STT3A: variants seen among roughly 807,000 people sequenced by gnomAD.
STT3A encodes dolichyl-diphosphooligosaccharide--protein glycosyltransferase subunit STT3A.
In STT3A, 34 loss-of-function variants were observed where a neutral mutation model predicts 89.2. The observed-to-expected ratio is 0.38, with a 90% confidence interval of 0.29 to 0.51. The LOEUF (loss-of-function observed/expected upper bound fraction) is 0.51. STT3A is among the 20% of genes least tolerant of loss of function. The pLI is 0.89. For synonymous variants in STT3A, 282 were observed against 310.3 expected (o/e 0.91, Z 0.96); for missense variants, 555 against 889.5 (o/e 0.62, Z 4.78).
intron 15 of STT3A, among the ~76,000 whole-genome samples, chr11:125,617,533 A>G (rs1940212511): frequency 6.6e-6 from 1 of 152,248 alleles, no homozygotes; most frequent in South Asian, 2.1e-4. Flanking sequence ...TGAAACATGT[A>G]GCAACTGATT....
rs552819791 is a variant in STT3A, at chr11:125,595,849, A to C, written c.-35-32A>C. 220 of 1,009,240 alleles carry C rather than the reference A, an allele frequency of 2.2e-4. 1 individual carries two copies. The African/African-American group carries it at 2.7e-3, about 12-fold the overall frequency. The allele number at this position is 1,009,240 out of a possible 1,614,324, so 62.5% of individuals were successfully genotyped here. A position where few individuals can be genotyped will look rare whatever the true frequency, so the allele number is the denominator to read the frequency against. On this transcript the variant is annotated intron_variant, in intron 1 of 17. Coordinates refer to ENST00000392708, the MANE Select transcript of STT3A (RefSeq NM_152713.5). ...AAAATTAAGTAAATTGAAGGTGTTC[A>C]ATATCTTGTGGTCTTGACTTTTTCA...
chr11:125,610,237 A>AT (rs1048156036), intron 10 of STT3A, among the ~76,000 whole-genome samples: 27 of 151,130 alleles, frequency 1.8e-4, no homozygotes, highest in South Asian at 6.3e-4. Flanking sequence ...TAATTTTTGT[A>AT]TTTTTTTTGT....
At chr11:125,603,061 G>C in intron 5 of STT3A, 113 bp downstream of exon 5, 1 of 1,350,888 alleles carries the variant, frequency 7.4e-7, no homozygotes, top group South Asian at 1.4e-5. Flanking sequence ...AGAAGGTGAA[G>C]ACAGCTTTTA....
At chr11:125,600,706 G>A (rs965965825) in intron 3 of STT3A, among the ~76,000 whole-genome samples, 1 of 151,928 alleles carries the variant, frequency 6.6e-6, no homozygotes, top group Admixed American at 6.6e-5. Context: ...ACATATTTTG[G>A]GCCTAAAGAA....
At chr11:125,611,069 A>G (rs1940000318) in intron 10 of STT3A, 3 of 156,178 alleles carry the variant, frequency 1.9e-5, no homozygotes, top group Admixed American at 1.9e-4. Flanking sequence ...TTATAGAAAT[A>G]CTTAAAATGT....
chr11:125,613,122 T>A lies in STT3A; in HGVS notation c.1499T>A (p.Ile500Asn), dbSNP rs752636287. 2 of 1,614,038 alleles carry A rather than the reference T, an allele frequency of 1.2e-6. No individual in the cohort carries two copies. Among genetic ancestry groups the A allele is most frequent in the Admixed American group, 1.7e-5 (1 of 60,010 alleles). The change falls in exon 13 of 18, where the codon ATC (isoleucine) becomes AAC (asparagine). Residue 500 changes from isoleucine (I) to asparagine (N), a missense_variant. Around this residue, in one of 5 missense-constraint regions of STT3A, gnomAD observed 273 missense variants for 449.8 expected, o/e 0.61. Coordinates refer to ENST00000392708, the MANE Select transcript of STT3A (RefSeq NM_152713.5). The surrounding 1 kb of genome is among the most constrained non-coding windows in gnomAD (Gnocchi z 4.2). Reference sequence around the variant, plus strand: ...GCCCGTGGTGGGGATGGCAGTAGGATCATATTTGATGACTTCCGAGAAGCA... The same window carrying A: ...GCCCGTGGTGGGGATGGCAGTAGGAACATATTTGATGACTTCCGAGAAGCA... ...LSARGGDGSR[I>N]IFDDFREAYY...
rs1228105251 is a variant in STT3A at position 125,618,400 on chromosome 11, G to A, written c.1802G>A (p.Arg601Gln). 1.2e-6 allele frequency: 2 copies of A among 1,611,946 alleles called. No individual in the cohort carries two copies. The highest frequency in any genetic ancestry group is 1.7e-6 in the Non-Finnish European group (2 of 1,179,364). The change falls in exon 16 of 18, where the codon CGG becomes CAG. Residue 601 changes from arginine (R) to glutamine (Q), a missense_variant. Coordinates refer to ENST00000392708, the MANE Select transcript of STT3A (RefSeq NM_152713.5). ...ATCAACAAGTTTCTTTGGATGGTCC[G>A]GATTGGAGGGAGCACAGATACAGGC... The part of the protein sequence containing the change: ...DDINKFLWMV[R>Q]IGGSTDTGKH...
chr11:125,620,807 A>G lies in STT3A; in HGVS notation c.2115A>G (p.Thr705=). Residue 705 remains threonine, a synonymous_variant, in exon 18 of 18, where the codon ACA becomes ACG. Transcript: ENST00000392708. ...KDLDNRGLSR[T] ...TGGATAATCGAGGCTTGTCAAGGAC[A>G]TAAATGTCACGTCCAGCTCTGATAT... 6.2e-7 allele frequency: 1 copy of G among 1,614,006 alleles called. No homozygotes were observed. Among genetic ancestry groups the G allele is most frequent in the Middle Eastern group, 1.6e-4 (1 of 6,062 alleles).
intron 5 of STT3A, 29 bp from the exon 6 acceptor site, chr11:125,604,128 A>C (rs768853694): frequency 6.2e-7 from 1 of 1,609,104 alleles, no homozygotes; most frequent in South Asian, 1.1e-5. Context: ...TATTGGTGTT[A>C]ATGTCTTATT....
rs1940094739 is a variant in STT3A, at chr11:125,613,891, T to C, written c.1555-196T>C. 2 of 550,660 alleles carry C rather than the reference T, an allele frequency of 3.6e-6. No individual in the cohort carries two copies. The highest frequency in any genetic ancestry group is 4.1e-5 in the South Asian group (2 of 48,620). 34.1% of individuals were successfully genotyped at this position (550,660 alleles called of 1,614,324 possible). On this transcript the variant is annotated intron_variant, in intron 13 of 17. Transcript: ENST00000392708. The surrounding 1 kb of genome is among the most constrained non-coding windows in gnomAD (Gnocchi z 4.2). ...GGGAATGTTGGTTTGTTATTTGTGC[T>C]GAGATTTTATAATTGTATATAAATG...
intron 1 of STT3A, chr11:125,594,721 C>T (rs1049480382): frequency 6.6e-6 from 1 of 151,892 alleles, no homozygotes; most frequent in African/African-American, 2.4e-5. Context: ...CAGATAGTGT[C>T]CCTCAACATT....
intron 7 of STT3A, 53 bp from the exon 8 acceptor site, chr11:125,606,248 G>T: frequency 1.0e-5 from 15 of 1,506,618 alleles, no homozygotes; most frequent in Non-Finnish European, 1.3e-5. Flanking sequence ...ATATAGTGGT[G>T]GTGGTCTGAG....
intron 8 of STT3A, 24 bp downstream of exon 8, chr11:125,606,489 T>C: frequency 1.3e-6 from 2 of 1,592,976 alleles, no homozygotes; most frequent in South Asian, 2.3e-5. Flanking sequence ...TGAGTAGGGT[T>C]TTCAGCTTCT....
intron 3 of STT3A, among the ~76,000 whole-genome samples, chr11:125,599,054 T>G (rs1939589115): frequency 6.6e-6 from 1 of 152,224 alleles, no homozygotes; most frequent in African/African-American, 2.4e-5. Flanking sequence ...TGACACTTCC[T>G]TTTGCAGAGG....
chr11:125,608,065 A>G, intron 8 of STT3A, 44 bp from the exon 9 acceptor site: 1 of 1,532,258 alleles, frequency 6.5e-7, no homozygotes, highest in Non-Finnish European at 8.8e-7. Flanking sequence ...GGACTTACTC[A>G]TTTTTTTTCC....
At position 125,597,120 on chromosome 11, in the gene STT3A, G is replaced by A. The variant is rs1465870929; in HGVS notation, c.149+1G>A. The A allele has an allele frequency of 6.2e-7, 1 of 1,613,870 alleles. No individual in the cohort carries two copies. Among genetic ancestry groups the A allele is most frequent in the Non-Finnish European group, 8.5e-7 (1 of 1,179,964 alleles). ...AAAGTGTTATCCATGAGTTTGATCCGTGAGTACCTTTGCTTGATCTGGTAT... is the reference window on the plus strand; with the variant it reads ...AAAGTGTTATCCATGAGTTTGATCCATGAGTACCTTTGCTTGATCTGGTAT... On this transcript the variant is annotated splice_donor_variant, in intron 3 of 17. Coordinates refer to ENST00000392708, the MANE Select transcript of STT3A (RefSeq NM_152713.5). LOFTEE classifies it high-confidence loss of function.
chr11:125,613,217 A>T lies in STT3A; in HGVS notation c.1554+40A>T. On this transcript the variant is annotated intron_variant, in intron 13 of 17. Coordinates refer to ENST00000392708, the MANE Select transcript of STT3A (RefSeq NM_152713.5). This position sits in a 1 kb window ranked among gnomAD's most constrained non-coding sequence, Gnocchi z 4.2. ...GGGGTGGGAATTGTGGGTTAGGGGC[A>T]AAGGGGAAGACATTTGATGTTACAG... The T allele has an allele frequency of 6.2e-7, 1 of 1,602,978 alleles. No homozygotes were observed. Among genetic ancestry groups the T allele is most frequent in the Non-Finnish European group, 8.5e-7 (1 of 1,172,700 alleles).
intron 17 of STT3A, 114 bp from the exon 18 acceptor site, chr11:125,620,658 C>G (rs1451139693): frequency 1.1e-6 from 1 of 937,556 alleles, no homozygotes. Flanking sequence ...CAGCCCTAAA[C>G]CAGGCTGCAG....
At chr11:125,599,327 G>A (rs777437830) in intron 3 of STT3A, among the ~76,000 whole-genome samples, 2 of 152,238 alleles carry the variant, frequency 1.3e-5, no homozygotes, top group South Asian at 4.1e-4. Context: ...AATAGGGTTA[G>A]AGAGGTGGGC....
Sources: allele counts gnomAD v4.1 joint callset (sites outside exome capture counted in the v4.1 genomes callset), GRCh38; gene constraint gnomAD v4.1.1; regional missense constraint gnomAD v4.1.1; non-coding constraint Gnocchi (gnomAD v3.1); transcripts MANE v1.5; gene names NCBI Gene and HGNC (gene_info 2026-07-23, HGNC 2026-07-21).